Variants in NOL4 observed in about 807,000 individuals in gnomAD.
NOL4 encodes nucleolar protein 4, also known as cancer/testis antigen 125.
Under a neutral mutation model 75.9 loss-of-function variants are expected in NOL4, and 17 were observed. That is an observed-to-expected ratio of 0.22 (90% CI 0.15 to 0.34). NOL4 has a LOEUF of 0.34. NOL4 is among the 10% of genes least tolerant of loss of function. NOL4 has a pLI of 1.00. For synonymous variants in NOL4, 292 were observed against 289.9 expected (o/e 1.01, Z -0.07); for missense variants, 614 against 793.5 (o/e 0.77, Z 2.72).
intron 1 of NOL4, among the ~76,000 whole-genome samples, chr18:34,152,661 T>C (rs2081701200): frequency 6.6e-6 from 1 of 151,812 alleles, no homozygotes; most frequent in African/African-American, 2.4e-5. Context: ...AACCTCTCAA[T>C]AGTCACCAAG....
chr18:34,187,019 A>C (rs1329238160), intron 1 of NOL4, among the ~76,000 whole-genome samples: 1 of 152,158 alleles, frequency 6.6e-6, no homozygotes, highest in African/African-American at 2.4e-5. Context: ...CAGTTGATGA[A>C]TCTACCTTGG....
Position 33,952,708 on chromosome 18 carries a change from T to C in NOL4, c.1428+4618A>G, listed in dbSNP as rs533548399. On this transcript the variant is annotated intron_variant, in intron 8 of 10. Transcript: ENST00000261592. ...GGGAGGCCAAGGCGGGTGGATCACC[T>C]GAGATCGGGAGTTCAAGACCAGCCT... Among the ~76,000 whole-genome samples, 6 of 152,320 alleles carry C rather than the reference T, an allele frequency of 3.9e-5. No homozygotes were observed. The South Asian group carries it at 1.2e-3, about 32-fold the overall frequency.
intron 10 of NOL4, among the ~76,000 whole-genome samples, chr18:33,861,623 T>C (rs1365708696): frequency 3.9e-5 from 6 of 152,100 alleles, no homozygotes; most frequent in African/African-American, 1.4e-4. Context: ...TATACATCAA[T>C]AACAGACAAA....
chr18:34,094,584 A>G (rs2078681603), intron 4 of NOL4, among the ~76,000 whole-genome samples: 1 of 152,196 alleles, frequency 6.6e-6, no homozygotes, highest in Non-Finnish European at 1.5e-5. Flanking sequence ...TCGTTTGGAG[A>G]ACTGATTTTT....
intron 9 of NOL4, among the ~76,000 whole-genome samples, chr18:33,937,061 C>T (rs1378098726): frequency 1.3e-5 from 2 of 151,946 alleles, no homozygotes; most frequent in East Asian, 3.9e-4. Flanking sequence ...CTGGCTGCCC[C>T]TTTTGAATTG....
chr18:33,976,341 G>A (rs907509010), intron 6 of NOL4, among the ~76,000 whole-genome samples: 1 of 152,040 alleles, frequency 6.6e-6, no homozygotes, highest in African/African-American at 2.4e-5. Flanking sequence ...CATTTTATTT[G>A]AAGCTATTAC....
chr18:34,064,352 C>A (rs910782623), intron 5 of NOL4, among the ~76,000 whole-genome samples: 1 of 151,938 alleles, frequency 6.6e-6, no homozygotes, highest in Non-Finnish European at 1.5e-5. Flanking sequence ...TGCAGTTGTA[C>A]TCGTTGTATT....
chr18:34,103,281 G>A (rs1316711133), intron 4 of NOL4, among the ~76,000 whole-genome samples: 3 of 152,004 alleles, frequency 2.0e-5, no homozygotes, highest in Non-Finnish European at 4.4e-5. Flanking sequence ...CAACAAGGAT[G>A]TACTAAGCAC....
intron 10 of NOL4, among the ~76,000 whole-genome samples, chr18:33,872,112 A>G (rs2063728575): frequency 6.6e-6 from 1 of 152,060 alleles, no homozygotes; most frequent in Admixed American, 6.6e-5. Context: ...ATTATAGGTC[A>G]TTATCATACT....
At chr18:33,945,005 A>G (rs1470828) in intron 8 of NOL4, among the ~76,000 whole-genome samples, 124,727 of 151,758 alleles carry the variant, frequency 0.82, 51,349 homozygotes, top group East Asian at 0.97. Flanking sequence ...TGAGGCAAAG[A>G]TGTTATAGGA....
intron 1 of NOL4, among the ~76,000 whole-genome samples, chr18:34,180,274 A>T (rs924614884): frequency 6.6e-6 from 1 of 151,634 alleles, no homozygotes; most frequent in Non-Finnish European, 1.5e-5. Context: ...CAACATATAC[A>T]AAAGCATATG....
At chr18:33,966,792 ACCT>A (rs2070638251) in intron 6 of NOL4, among the ~76,000 whole-genome samples, 1 of 152,150 alleles carries the variant, frequency 6.6e-6, no homozygotes, top group Non-Finnish European at 1.5e-5. Flanking sequence ...GAGGTAAAAG[ACCT>A]CTACAAAGAG....
In NOL4 at chr18:33,929,823, A is replaced by G. The variant is rs180919383; in HGVS notation, c.1542+13242T>C. 2.6e-3 allele frequency among the ~76,000 whole-genome samples: 403 copies of G among 152,302 alleles called. 4 individuals carry two copies. The highest frequency in any genetic ancestry group is 9.4e-3 in the African/African-American group (390 of 41,584). ...AATCATATTCCTTGTTGATACAGAT[A>G]TATTAAATACTTAAGAAAATAACTA... On this transcript the variant is annotated intron_variant, in intron 9 of 10. Transcript: ENST00000261592.
chr18:33,943,239 G>A lies in NOL4; in HGVS notation c.1429-61C>T. On this transcript the variant is annotated intron_variant, in intron 8 of 10. Coordinates refer to ENST00000261592, the MANE Select transcript of NOL4 (RefSeq NM_003787.5). The stretch of plus-strand genomic sequence containing the variant: ...TTAACAGTATCATTAACAGGCCAAT[G>A]CTATTCTCAGAAGAGCTCTCAGGAT... 2.8e-6 allele frequency: 3 copies of A among 1,088,138 alleles called. No homozygotes were observed. In the South Asian group the frequency reaches 3.9e-5, roughly 14 times the overall value. The allele number at this position is 1,088,138 out of a possible 1,614,324, so 67.4% of individuals were successfully genotyped here. A position where few individuals can be genotyped will look rare whatever the true frequency, so the allele number is the denominator to read the frequency against.
chr18:34,129,994 T>A lies in NOL4; in HGVS notation c.291A>T (p.Leu97=). The A allele has an allele frequency of 1.3e-6, 2 of 1,597,428 alleles. No homozygotes were observed. The highest frequency in any genetic ancestry group is 1.7e-6 in the Non-Finnish European group (2 of 1,171,182). ...CAACCACAGCTACCCGTCGTAAAGA[T>A]AGCTTCTCATCTACCCCTACGCCAT... ...TTDGVGVDEK[L]SLRRVAVVED... is the part of the protein sequence containing the mutation. The change falls in exon 2 of 11, where the codon CTA becomes CTT. Residue 97 remains leucine (L), a synonymous_variant. Transcript: ENST00000261592.
chr18:34,033,264 T>C (rs1184918330), intron 5 of NOL4, among the ~76,000 whole-genome samples: 1 of 151,808 alleles, frequency 6.6e-6, no homozygotes, highest in African/African-American at 2.4e-5. Flanking sequence ...CTTAAGAAAC[T>C]CAGTGAGTTA....
chr18:34,116,807 A>AG (rs775452670), intron 2 of NOL4, among the ~76,000 whole-genome samples: 8 of 152,214 alleles, frequency 5.3e-5, no homozygotes, highest in Non-Finnish European at 1.2e-4. Context: ...GCAAATTAAG[A>AG]GAAAAAAATA....
chr18:33,868,196 C>A (rs560870541), intron 10 of NOL4, among the ~76,000 whole-genome samples: 113 of 150,122 alleles, frequency 7.5e-4, no homozygotes, highest in African/African-American at 2.7e-3. Flanking sequence ...GCTACTACAC[C>A]TGGGCACCTG....
At chr18:34,207,000 G>GAGCC (rs1342391506) in intron 1 of NOL4, among the ~76,000 whole-genome samples, 2 of 151,174 alleles carry the variant, frequency 1.3e-5, no homozygotes, top group Non-Finnish European at 2.9e-5. Context: ...TTCTACTTTT[G>GAGCC]AGCCCACCTA....
Sources: allele counts gnomAD v4.1 joint callset (sites outside exome capture counted in the v4.1 genomes callset), GRCh38; gene constraint gnomAD v4.1.1; transcripts MANE v1.5; gene names NCBI Gene and HGNC (gene_info 2026-07-23, HGNC 2026-07-21).